ZFTA: variants seen among roughly 807,000 people sequenced by gnomAD.
ZFTA encodes the protein zinc finger translocation-associated protein.
In ZFTA, 35 loss-of-function variants were observed where a neutral mutation model predicts 41.8. That is an observed-to-expected ratio of 0.84 (90% CI 0.64 to 1.11). The LOEUF (loss-of-function observed/expected upper bound fraction) is 1.11. ZFTA is among the 50% of genes most tolerant of loss of function. ZFTA has a pLI of 0.00. For missense variants in ZFTA, 964 were observed against 989.8 expected (o/e 0.97, Z 0.35); for synonymous variants, 514 against 436.4 (o/e 1.18, Z -2.22).
chr11:63,766,290 G>A lies in ZFTA; in HGVS notation c.154C>T (p.Leu52=). The A allele has an allele frequency of 6.9e-7, 1 of 1,449,842 alleles. No individual in the cohort carries two copies. Among genetic ancestry groups the A allele is most frequent in the African/African-American group, 1.4e-5 (1 of 69,262 alleles). 89.8% of individuals were successfully genotyped at this position (1,449,842 alleles called of 1,614,324 possible). A position where few individuals can be genotyped will look rare whatever the true frequency, so the allele number is the denominator to read the frequency against. ...CAGGACCCCAAGGCACCCCCTTCCA[G>A]CTGAAGATCTTGCCCTGAAGAAGGG... The part of the protein sequence containing the change: ...EEDEGGQDLQ[L]EGGALGSWGS... The change falls in exon 2 of 5, where the codon CTG becomes TTG. Residue 52 remains leucine (L), a synonymous_variant. Transcript: ENST00000433688.
rs113800905 is a variant in ZFTA, at chr11:63,764,393, C to T, written c.1230G>A (p.Arg410=). ...ERAGVPGRSP[R]GRAHRRHPQE... is the part of the protein sequence containing the mutation. ...GGGGGTGGCGGCGGTGGGCGCGGCC[C>T]CGCGGCGACCGGCCCGGGACCCCCG... Residue 410 remains arginine (R), a synonymous_variant, in exon 4 of 5, where the codon CGG becomes CGA. Coordinates refer to ENST00000433688, the MANE Select transcript of ZFTA (RefSeq NM_001144936.2). 2 of 1,296,056 alleles carry T rather than the reference C, an allele frequency of 1.5e-6. No homozygotes were observed. The highest frequency in any genetic ancestry group is 1.9e-6 in the Non-Finnish European group (2 of 1,025,828). 80.3% of individuals were successfully genotyped at this position (1,296,056 alleles called of 1,614,324 possible).
rs1242597025 is a variant in ZFTA at position 63,763,361 on chromosome 11, G to A, written c.*57C>T. On this transcript the variant is annotated 3_prime_UTR_variant, in exon 5 of 5. Transcript: ENST00000433688. The stretch of plus-strand genomic sequence containing the variant: ...CCAGCCGAAGGGCCGGGCGAGCACA[G>A]GGCGGGGCGGGGCCGATCCGACCCG... 3.5e-5 allele frequency: 40 copies of A among 1,154,346 alleles called. No individual in the cohort carries two copies. The highest frequency in any genetic ancestry group is 4.2e-5 in the Non-Finnish European group (39 of 931,096). 71.5% of individuals were successfully genotyped at this position (1,154,346 alleles called of 1,614,324 possible).
In ZFTA at chr11:63,761,045, T is replaced by G. The variant is rs921915711; in HGVS notation, c.*2373A>C. The G allele has an allele frequency of 1.3e-5, 2 of 152,142 alleles. No individual in the cohort carries two copies. Among genetic ancestry groups the G allele is most frequent in the African/African-American group, 4.8e-5 (2 of 41,430 alleles). 9.4% of individuals were successfully genotyped at this position (152,142 alleles called of 1,614,324 possible). On this transcript the variant is annotated 3_prime_UTR_variant, in exon 5 of 5. Coordinates refer to ENST00000433688, the MANE Select transcript of ZFTA (RefSeq NM_001144936.2). Reference sequence around the variant, plus strand: ...GTGATTATAAATTGGTTCCCCCAATTTGCCTACTGTTTTTGAATGGGCAGA... The same window carrying G: ...GTGATTATAAATTGGTTCCCCCAATGTGCCTACTGTTTTTGAATGGGCAGA...
chr11:63,763,406 C>T lies in ZFTA; in HGVS notation c.*12G>A. ...GACCCGACCCGACCTGACCCGGGGG[C>T]CCGCTAGGCCGCTACGCCCGACACA... is the stretch of plus-strand genomic sequence containing the variant. On this transcript the variant is annotated 3_prime_UTR_variant, in exon 5 of 5. Transcript: ENST00000433688. 1 of 1,282,770 alleles carries T rather than the reference C, an allele frequency of 7.8e-7. No individual in the cohort carries two copies. Among genetic ancestry groups the T allele is most frequent in the Non-Finnish European group, 9.9e-7 (1 of 1,012,258 alleles). The allele number at this position is 1,282,770 out of a possible 1,614,324, so 79.5% of individuals were successfully genotyped here. A position where few individuals can be genotyped will look rare whatever the true frequency, so the allele number is the denominator to read the frequency against.
intron 1 of ZFTA, 33 bp downstream of exon 1, chr11:63,768,439 CCCCACGCCGGGG>C (rs2014782659): frequency 9.3e-7 from 1 of 1,077,836 alleles, no homozygotes. Context: ...CCCTCCCTTC[CCCCACGCCGGGG>C]CCCCCGCCCG....
chr11:63,765,334 C>T lies in ZFTA; in HGVS notation c.638-80G>A. On this transcript the variant is annotated intron_variant, in intron 2 of 4. Coordinates refer to ENST00000433688, the MANE Select transcript of ZFTA (RefSeq NM_001144936.2). The surrounding 1 kb of genome is among the most constrained non-coding windows in gnomAD (Gnocchi z 4.0). ...CTACAGCCAGGTCTCCCACAAGCCT[C>T]TCACTCACTTGGGCCCCAGGCCTAA... 1.5e-6 allele frequency: 2 copies of T among 1,378,806 alleles called. No individual in the cohort carries two copies. The highest frequency in any genetic ancestry group is 1.9e-6 in the Non-Finnish European group (2 of 1,062,312). The allele number at this position is 1,378,806 out of a possible 1,614,324, so 85.4% of individuals were successfully genotyped here. A position where few individuals can be genotyped will look rare whatever the true frequency, so the allele number is the denominator to read the frequency against.
chr11:63,766,363 G>A, intron 1 of ZFTA, 59 bp from the exon 2 acceptor site: 1 of 1,408,618 alleles, frequency 7.1e-7, no homozygotes, highest in Non-Finnish European at 9.2e-7. Context: ...AAAGAGGCGA[G>A]GGCTTTGATG....
At position 63,763,301 on chromosome 11, in the gene ZFTA, C is replaced by G. The variant is rs2014680286; in HGVS notation, c.*117G>C. On this transcript the variant is annotated 3_prime_UTR_variant, in exon 5 of 5. Transcript: ENST00000433688. ...CCGGCCCGGCCAGCGGGGGGCGCGG[C>G]CGCGGGAAGCGCTAACACCGGACGC... The G allele has an allele frequency of 2.6e-6, 2 of 763,716 alleles. No homozygotes were observed. Among genetic ancestry groups the G allele is most frequent in the South Asian group, 1.2e-4 (2 of 16,042 alleles). The allele number at this position is 763,716 out of a possible 1,614,324, so 47.3% of individuals were successfully genotyped here.
At chr11:63,763,969 C>T (rs1364395417) in intron 4 of ZFTA, 69 bp downstream of exon 4, 5 of 1,318,834 alleles carry the variant, frequency 3.8e-6, no homozygotes, top group East Asian at 2.9e-5. Flanking sequence ...TCTATCCCAT[C>T]CTCCAGTCCC....
intron 1 of ZFTA, 93 bp downstream of exon 1, chr11:63,768,391 C>T (rs2014781676): frequency 1.2e-6 from 1 of 817,484 alleles, no homozygotes; most frequent in Non-Finnish European, 1.5e-6. Context: ...CCGCGTCCCC[C>T]GCTTTGTTCG....
At position 63,763,764 on chromosome 11, in the gene ZFTA, G is replaced by A. The variant is rs989786394; in HGVS notation, c.1691C>T (p.Pro564Leu). The A allele has an allele frequency of 1.6e-4, 233 of 1,462,650 alleles. No homozygotes were observed. Among genetic ancestry groups the A allele is most frequent in the Non-Finnish European group, 2.0e-4 (223 of 1,109,418 alleles). 90.6% of individuals were successfully genotyped at this position (1,462,650 alleles called of 1,614,324 possible). ...EPGGLALPPP[P>L]PPPPPPPPRS... ...GGGCGGGGGCGGAGGCGGGGGAGGA[G>A]GCGGCGGCGGCAAGGCGAGTCCCCC... Residue 564 changes from proline (P) to leucine (L), a missense_variant, in exon 5 of 5, where the codon CCT becomes CTT. By Grantham distance (98) the Pro-to-Leu change is moderately conservative (BLOSUM62 -3). This residue lies in a region of ZFTA where 584 missense variants were observed against 523.1 expected (regional missense o/e 1.12). Coordinates refer to ENST00000433688, the MANE Select transcript of ZFTA (RefSeq NM_001144936.2).
chr11:63,767,765 G>A (rs1028021118), intron 1 of ZFTA, among the ~76,000 whole-genome samples: 2 of 152,094 alleles, frequency 1.3e-5, no homozygotes, highest in African/African-American at 4.8e-5. Context: ...CTTTGAGAGC[G>A]AACGAGGAGG....
At chr11:63,767,582 G>A (rs1209586643) in intron 1 of ZFTA, 2 of 152,040 alleles carry the variant, frequency 1.3e-5, no homozygotes, top group Non-Finnish European at 2.9e-5. Context: ...TTTAAGAGCC[G>A]AAAAAGGGGG....
chr11:63,768,451 G>GC, intron 1 of ZFTA, 33 bp downstream of exon 1: 1 of 1,097,448 alleles, frequency 9.1e-7, no homozygotes, highest in Non-Finnish European at 1.1e-6. Context: ...CCACGCCGGG[G>GC]CCCCCGCCCG....
chr11:63,768,141 G>C (rs1480553515), intron 1 of ZFTA, among the ~76,000 whole-genome samples: 1 of 152,116 alleles, frequency 6.6e-6, no homozygotes, highest in Non-Finnish European at 1.5e-5. Flanking sequence ...GACCACCTGG[G>C]AGTCTGAAAG....
rs928856262 is a variant in ZFTA at position 63,763,327 on chromosome 11, G to A, written c.*91C>T. 7 of 998,204 alleles carry A rather than the reference G, an allele frequency of 7.0e-6. No homozygotes were observed. Among genetic ancestry groups the A allele is most frequent in the Non-Finnish European group, 8.7e-6 (7 of 804,024 alleles). 61.8% of individuals were successfully genotyped at this position (998,204 alleles called of 1,614,324 possible). A position where few individuals can be genotyped will look rare whatever the true frequency, so the allele number is the denominator to read the frequency against. On this transcript the variant is annotated 3_prime_UTR_variant, in exon 5 of 5. Transcript: ENST00000433688. Reference sequence around the variant, plus strand: ...CGCGGGAAGCGCTAACACCGGACGCGAGGGTCTCCCAGCCGAAGGGCCGGG... The same window carrying A: ...CGCGGGAAGCGCTAACACCGGACGCAAGGGTCTCCCAGCCGAAGGGCCGGG...
At position 63,765,219 on chromosome 11, in the gene ZFTA, G is replaced by T; in HGVS notation, c.673C>A (p.Arg225=). The part of the protein sequence containing the change: ...APAGGGCRRQ[R]RGGPVAPRAR... ...CGGGGTGCCACTGGGCCCCCTCGCC[G>T]CTGGCGCCGGCAGCCCCCACCAGCT... Residue 225 remains arginine, a synonymous_variant, in exon 3 of 5, where the codon CGG becomes AGG. Coordinates refer to ENST00000433688, the MANE Select transcript of ZFTA (RefSeq NM_001144936.2). This position sits in a 1 kb window ranked among gnomAD's most constrained non-coding sequence, Gnocchi z 4.0. 6.8e-7 allele frequency: 1 copy of T among 1,463,314 alleles called. No homozygotes were observed. Among genetic ancestry groups the T allele is most frequent in the Non-Finnish European group, 9.0e-7 (1 of 1,114,060 alleles). 90.6% of individuals were successfully genotyped at this position (1,463,314 alleles called of 1,614,324 possible).
chr11:63,763,958 T>C (rs1441872667), intron 4 of ZFTA, 80 bp downstream of exon 4: 3 of 1,342,828 alleles, frequency 2.2e-6, no homozygotes, highest in Non-Finnish European at 2.9e-6. Flanking sequence ...ATCTTTGCCC[T>C]TCTATCCCAT....
Position 63,760,415 on chromosome 11 carries a change from AT to A in ZFTA, c.*3002del, listed in dbSNP as rs1462366309. ...CCTCTTAGAAAACTTAGGCTGAAAT[AT>A]TTTTTAAATGACTGATGCAAACAAT... On this transcript the variant is annotated 3_prime_UTR_variant, in exon 5 of 5. Coordinates refer to ENST00000433688, the MANE Select transcript of ZFTA (RefSeq NM_001144936.2). 6.6e-6 allele frequency: 1 copy of A among 152,196 alleles called. No individual in the cohort carries two copies. The highest frequency in any genetic ancestry group is 1.9e-4 in the East Asian group (1 of 5,202). The allele number at this position is 152,196 out of a possible 1,614,324, so 9.4% of individuals were successfully genotyped here. A position where few individuals can be genotyped will look rare whatever the true frequency, so the allele number is the denominator to read the frequency against.
Sources: allele counts gnomAD v4.1 joint callset (sites outside exome capture counted in the v4.1 genomes callset), GRCh38; gene constraint gnomAD v4.1.1; regional missense constraint gnomAD v4.1.1; non-coding constraint Gnocchi (gnomAD v3.1); transcripts MANE v1.5; gene names NCBI Gene and HGNC (gene_info 2026-07-23, HGNC 2026-07-21).